Variants in KIF16B observed in about 807,000 individuals in gnomAD.
The protein encoded by KIF16B is kinesin family member 16B.
Under a neutral mutation model 156.3 loss-of-function variants are expected in KIF16B, and 98 were observed. The ratio of observed to expected loss-of-function variants is 0.63; its 90% CI spans 0.53 to 0.74. The LOEUF (loss-of-function observed/expected upper bound fraction) is 0.74. Among genes scored for constraint, KIF16B ranks in the 30% least tolerant of loss-of-function variants. The pLI, the probability that KIF16B is intolerant of heterozygous loss-of-function variation, is 0.00. For missense variants in KIF16B, 1,421 were observed against 1,606.5 expected (o/e 0.88, Z 1.97); for synonymous variants, 564 against 583.7 (o/e 0.97, Z 0.49).
In KIF16B at chr20:16,497,641, T is replaced by C; in HGVS notation, c.1214A>G (p.Glu405Gly). The C allele has an allele frequency of 6.2e-7, 1 of 1,611,710 alleles. No homozygotes were observed. The highest frequency in any genetic ancestry group is 8.5e-7 in the Non-Finnish European group (1 of 1,178,006). ...TGCTTCATTCTGCTGAAGTTTTTCCTCCATACTTAAAGCTGTGGGGGAGTC... is the reference window on the plus strand; with the variant it reads ...TGCTTCATTCTGCTGAAGTTTTTCCCCCATACTTAAAGCTGTGGGGGAGTC... ...LLDSPTALSM[E>G]EKLQQNEARV... The change falls in exon 11 of 26, where the codon GAG becomes GGG. Residue 405 changes from glutamate (E) to glycine (G), a missense_variant. Transcript: ENST00000354981.
At chr20:16,501,816 C>A (rs941863256) in intron 10 of KIF16B, among the ~76,000 whole-genome samples, 1 of 151,948 alleles carries the variant, frequency 6.6e-6, no homozygotes, top group South Asian at 2.1e-4. Context: ...ACTAACAAAG[C>A]CTGTAGAGGT....
intron 25 of KIF16B, among the ~76,000 whole-genome samples, chr20:16,300,009 T>C (rs1464338057): frequency 6.6e-6 from 1 of 152,154 alleles, no homozygotes; most frequent in Non-Finnish European, 1.5e-5. Flanking sequence ...ATATGAAAAT[T>C]ATAGGGGAAA....
chr20:16,544,808 T>C (rs1205499669), intron 1 of KIF16B, among the ~76,000 whole-genome samples: 3 of 152,054 alleles, frequency 2.0e-5, no homozygotes, highest in Non-Finnish European at 4.4e-5. Flanking sequence ...CTGCTCTTCA[T>C]ATATTTCACA....
chr20:16,340,498 C>T (rs552844144), intron 23 of KIF16B, among the ~76,000 whole-genome samples: 31 of 152,326 alleles, frequency 2.0e-4, no homozygotes, highest in African/African-American at 5.8e-4. Context: ...GAACTTGACA[C>T]ATCACAGGCA....
intron 11 of KIF16B, 94 bp from the exon 12 acceptor site, chr20:16,494,444 AC>A: frequency 2.7e-6 from 2 of 744,304 alleles, no homozygotes; most frequent in Non-Finnish European, 2.2e-6. Context: ...GGAAAGATGT[AC>A]TATAATTTTT....
intron 22 of KIF16B, chr20:16,368,176 T>G (rs2064724112): frequency 9.2e-7 from 1 of 1,089,392 alleles, no homozygotes; most frequent in African/African-American, 1.6e-5. Flanking sequence ...TTTCAGCATT[T>G]GGTCCGGGAA....
At chr20:16,392,613 G>A (rs998912746) in intron 17 of KIF16B, among the ~76,000 whole-genome samples, 2 of 152,214 alleles carry the variant, frequency 1.3e-5, no homozygotes, top group African/African-American at 4.8e-5. Flanking sequence ...AAGACAACAT[G>A]CCGATACGCC....
At chr20:16,393,478 T>C (rs2065420002) in intron 17 of KIF16B, among the ~76,000 whole-genome samples, 1 of 152,196 alleles carries the variant, frequency 6.6e-6, no homozygotes, top group Admixed American at 6.5e-5. Flanking sequence ...ACATACGGTG[T>C]CACTGACTTG....
chr20:16,444,731 G>A (rs1001719369), intron 12 of KIF16B, among the ~76,000 whole-genome samples: 4 of 152,006 alleles, frequency 2.6e-5, no homozygotes, highest in Admixed American at 6.5e-5. Context: ...TCCACTGTTC[G>A]TGGGCATTTA....
chr20:16,307,483 C>T (rs2063557806), intron 25 of KIF16B, among the ~76,000 whole-genome samples: 1 of 152,092 alleles, frequency 6.6e-6, no homozygotes, highest in African/African-American at 2.4e-5. Context: ...AAGAGCACAG[C>T]AGGGAAGATG....
At chr20:16,334,652 C>A (rs1020433650) in intron 24 of KIF16B, among the ~76,000 whole-genome samples, 2 of 152,110 alleles carry the variant, frequency 1.3e-5, no homozygotes, top group African/African-American at 4.8e-5. Flanking sequence ...GGGCAGATTC[C>A]TCACAAACAG....
chr20:16,277,283 C>T (rs569127317), intron 25 of KIF16B, among the ~76,000 whole-genome samples: 6 of 152,214 alleles, frequency 3.9e-5, no homozygotes, highest in Admixed American at 6.5e-5. Flanking sequence ...CGTTGGTCAC[C>T]GCTTTGGTCC....
chr20:16,345,180 T>C lies in KIF16B; in HGVS notation c.3622-9165A>G, dbSNP rs1401396641. On this transcript the variant is annotated intron_variant, in intron 23 of 25. Coordinates refer to ENST00000354981, the MANE Select transcript of KIF16B (RefSeq NM_024704.5). ...CTCCGATTATGCCTCCATGAGCCCA[T>C]TGGCTCCATGCTGCTCAATTTTTCT... Among the ~76,000 whole-genome samples, 6 of 152,242 alleles carry C rather than the reference T, an allele frequency of 3.9e-5. 1 individual carries two copies. Among genetic ancestry groups the C allele is most frequent in the Admixed American group, 6.5e-5 (1 of 15,292 alleles).
intron 12 of KIF16B, among the ~76,000 whole-genome samples, chr20:16,478,581 A>G (rs1354620251): frequency 2.0e-5 from 3 of 152,178 alleles, no homozygotes; most frequent in Non-Finnish European, 2.9e-5. Flanking sequence ...CTTCTCGCCC[A>G]GGACACAAAT....
At chr20:16,484,622 A>C (rs1260472435) in intron 12 of KIF16B, among the ~76,000 whole-genome samples, 1 of 152,252 alleles carries the variant, frequency 6.6e-6, no homozygotes, top group African/African-American at 2.4e-5. Flanking sequence ...ATGAGATAGT[A>C]TATGTAAATG....
intron 12 of KIF16B, among the ~76,000 whole-genome samples, chr20:16,445,629 G>C (rs2066912503): frequency 6.6e-6 from 1 of 152,054 alleles, no homozygotes; most frequent in Non-Finnish European, 1.5e-5. Flanking sequence ...GTCCGAATCA[G>C]GTTTTTGTCC....
chr20:16,483,263 T>C (rs923006987), intron 12 of KIF16B, among the ~76,000 whole-genome samples: 3 of 152,064 alleles, frequency 2.0e-5, no homozygotes, highest in Non-Finnish European at 4.4e-5. Flanking sequence ...ATGCCTAAAC[T>C]CCATCCCACC....
intron 1 of KIF16B, among the ~76,000 whole-genome samples, chr20:16,570,133 G>A (rs1222907782): frequency 1.3e-5 from 2 of 152,070 alleles, no homozygotes; most frequent in Non-Finnish European, 1.5e-5. Context: ...AATGATTTAC[G>A]CTATAACTTA....
At position 16,367,138 on chromosome 20, in the gene KIF16B, T is replaced by C. The variant is rs2064685561; in HGVS notation, c.3498+3448A>G. On this transcript the variant is annotated intron_variant, in intron 22 of 25. Coordinates refer to ENST00000354981, the MANE Select transcript of KIF16B (RefSeq NM_024704.5). The stretch of plus-strand genomic sequence containing the variant: ...AAAACATGTAGTGCATCTTTAAAAG[T>C]CTCCTCCTTAGAGTCTTGTCAAATG... 6 of 1,555,082 alleles carry C rather than the reference T, an allele frequency of 3.9e-6. No homozygotes were observed. The East Asian group carries it at 1.4e-4, about 35-fold the overall frequency.
Sources: gnomAD v4.1 joint callset for allele counts (sites outside exome capture counted in the v4.1 genomes callset) on GRCh38, gnomAD v4.1.1 for gene constraint, MANE v1.5 for transcripts, NCBI Gene and HGNC (gene_info 2026-07-23, HGNC 2026-07-21) for gene names.